Variants in RTN1 observed in about 807,000 individuals in gnomAD.
The protein encoded by RTN1 is reticulon 1.
A neutral mutation model predicts 65.5 loss-of-function variants in RTN1; 25 were observed. The observed-to-expected ratio is 0.38, with a 90% CI of 0.28 to 0.53. The LOEUF (loss-of-function observed/expected upper bound fraction) is 0.53. Ranked by LOEUF, RTN1 falls within the 20% of genes least tolerant of loss-of-function variation. The probability of loss-of-function intolerance (pLI) is 0.79; values close to 1 mark genes in which losing one functional copy is unlikely to be tolerated. For synonymous variants in RTN1, 471 were observed against 447.6 expected (o/e 1.05, Z -0.66); for missense variants, 983 against 1,025.4 (o/e 0.96, Z 0.57).
chr14:59,732,512 C>A (rs928998776), intron 2 of RTN1, among the ~76,000 whole-genome samples: 26 of 152,160 alleles, frequency 1.7e-4, no homozygotes, highest in Non-Finnish European at 1.5e-4. Flanking sequence ...GCCAAGGGAA[C>A]CCCCCTGCCT....
At chr14:59,858,910 T>C (rs1887656754) in intron 1 of RTN1, among the ~76,000 whole-genome samples, 1 of 152,174 alleles carries the variant, frequency 6.6e-6, no homozygotes, top group Admixed American at 6.5e-5. Context: ...ATAAAAGAGA[T>C]ACTTGCAGAT....
chr14:59,736,744 A>G (rs1885009051), intron 2 of RTN1, among the ~76,000 whole-genome samples: 1 of 152,236 alleles, frequency 6.6e-6, no homozygotes, highest in East Asian at 1.9e-4. Context: ...CTTCAGGCCA[A>G]TATTGTTGAT....
chr14:59,622,052 G>A (rs982278482), intron 3 of RTN1, among the ~76,000 whole-genome samples: 4 of 152,114 alleles, frequency 2.6e-5, no homozygotes, highest in Non-Finnish European at 2.9e-5. Context: ...AAGGCCAAGT[G>A]AGGCCAGGCC....
chr14:59,630,735 G>A (rs1287538079), intron 3 of RTN1: 4 of 1,105,114 alleles, frequency 3.6e-6, no homozygotes, highest in East Asian at 5.3e-5. Flanking sequence ...TGCGCGCATG[G>A]GGATGCGGGC....
At chr14:59,831,319 T>C (rs1189926727) in intron 1 of RTN1, among the ~76,000 whole-genome samples, 2 of 152,228 alleles carry the variant, frequency 1.3e-5, no homozygotes, top group African/African-American at 2.4e-5. Context: ...ATTCAATCAG[T>C]TGAAGGCCTG....
At chr14:59,854,368 C>T (rs531542453) in intron 1 of RTN1, among the ~76,000 whole-genome samples, 60 of 151,970 alleles carry the variant, frequency 3.9e-4, no homozygotes, top group African/African-American at 1.4e-3. Context: ...TGTGGCCAGG[C>T]GCGGTGGCTC....
At chr14:59,641,421 G>C (rs1054226174) in intron 3 of RTN1, among the ~76,000 whole-genome samples, 1 of 152,072 alleles carries the variant, frequency 6.6e-6, no homozygotes, top group African/African-American at 2.4e-5. Context: ...CCAGGCTGGA[G>C]TGCAGTGGTG....
In RTN1 at chr14:59,727,713, G is replaced by A. The variant is rs1367338998; in HGVS notation, c.1016-45C>T. 3 of 1,531,718 alleles carry A rather than the reference G, an allele frequency of 2.0e-6. No homozygotes were observed. The highest frequency in any genetic ancestry group is 1.8e-6 in the Non-Finnish European group (2 of 1,141,204). 94.9% of individuals were successfully genotyped at this position (1,531,718 alleles called of 1,614,324 possible). ...AGGAGAGCCACGGAGGCACACACAC[G>A]GACAGACAGATGGACAGAGAGAGGA... is the stretch of plus-strand genomic sequence containing the variant. On this transcript the variant is annotated intron_variant, in intron 2 of 8. Coordinates refer to ENST00000267484, the MANE Select transcript of RTN1 (RefSeq NM_021136.3). The surrounding 1 kb of genome is among the most constrained non-coding windows in gnomAD (Gnocchi z 4.2).
intron 3 of RTN1, among the ~76,000 whole-genome samples, chr14:59,650,410 G>A (rs1445772353): frequency 1.3e-5 from 2 of 152,136 alleles, no homozygotes; most frequent in Non-Finnish European, 2.9e-5. Flanking sequence ...AGAACTTAAA[G>A]TAAAACTAAA....
At chr14:59,643,870 C>T (rs1400422387) in intron 3 of RTN1, among the ~76,000 whole-genome samples, 1 of 149,546 alleles carries the variant, frequency 6.7e-6, no homozygotes, top group Non-Finnish European at 1.5e-5. Flanking sequence ...CATACAGAAA[C>T]AAAAGAATGA....
At chr14:59,610,098 C>T (rs1321388921) in intron 3 of RTN1, 8 of 776,026 alleles carry the variant, frequency 1.0e-5, no homozygotes, top group East Asian at 4.9e-5. Context: ...CAAGTGAATC[C>T]CCTCTGAATG....
intron 3 of RTN1, among the ~76,000 whole-genome samples, chr14:59,700,618 G>A (rs1432758753): frequency 6.6e-6 from 1 of 152,006 alleles, no homozygotes; most frequent in African/African-American, 2.4e-5. Context: ...CAATATATTG[G>A]GAAAAGAACA....
intron 3 of RTN1, 25 bp from the exon 4 acceptor site, chr14:59,607,517 A>C (rs762496639): frequency 6.3e-7 from 1 of 1,575,334 alleles, no homozygotes; most frequent in Non-Finnish European, 8.6e-7. Context: ...AAACACACCC[A>C]GCTGAGCTCC....
At chr14:59,631,878 C>T (rs1238130546) in intron 3 of RTN1, among the ~76,000 whole-genome samples, 1 of 152,078 alleles carries the variant, frequency 6.6e-6, no homozygotes, top group Non-Finnish European at 1.5e-5. Context: ...ATGGCCTTAT[C>T]CATTACAGGG....
intron 1 of RTN1, among the ~76,000 whole-genome samples, chr14:59,773,236 ATTAGT>A (rs1885990706): frequency 6.6e-6 from 1 of 152,138 alleles, no homozygotes; most frequent in African/African-American, 2.4e-5. Context: ...ATTTGAACTC[ATTAGT>A]TATGAAGTAT....
intron 1 of RTN1, among the ~76,000 whole-genome samples, chr14:59,812,904 T>G (rs78489943): frequency 0.012 from 1,859 of 152,306 alleles, 36 homozygotes; most frequent in African/African-American, 0.041. Context: ...TCTTATCAAG[T>G]TTTGCTGATT....
rs536986742 is a variant in RTN1, at chr14:59,677,367, C to G, written c.1765+49552G>C. Among the ~76,000 whole-genome samples, 5 of 152,206 alleles carry G rather than the reference C, an allele frequency of 3.3e-5. No individual in the cohort carries two copies. The East Asian group carries it at 9.6e-4, about 29-fold the overall frequency. Reference sequence around the variant, plus strand: ...CATCTTTTTCCAGGGATGCTGGTACCCCACTGCTGTGGTCAATGAGGAAAT... The same window carrying G: ...CATCTTTTTCCAGGGATGCTGGTACGCCACTGCTGTGGTCAATGAGGAAAT... On this transcript the variant is annotated intron_variant, in intron 3 of 8. Coordinates refer to ENST00000267484, the MANE Select transcript of RTN1 (RefSeq NM_021136.3).
At chr14:59,685,397 A>G (rs1202281060) in intron 3 of RTN1, among the ~76,000 whole-genome samples, 1 of 152,200 alleles carries the variant, frequency 6.6e-6, no homozygotes, top group Non-Finnish European at 1.5e-5. Context: ...TGAAGACAAC[A>G]TGAACTTGTA....
chr14:59,859,192 G>A (rs915062922), intron 1 of RTN1, among the ~76,000 whole-genome samples: 1 of 152,170 alleles, frequency 6.6e-6, no homozygotes, highest in Non-Finnish European at 1.5e-5. Context: ...GCTTGACTGT[G>A]TCCCCACCCA....
Sources: allele counts gnomAD v4.1 joint callset (sites outside exome capture counted in the v4.1 genomes callset), GRCh38; gene constraint gnomAD v4.1.1; non-coding constraint Gnocchi (gnomAD v3.1); transcripts MANE v1.5; gene names NCBI Gene and HGNC (gene_info 2026-07-23, HGNC 2026-07-21).